Variants in FHIT observed in about 807,000 individuals in gnomAD.
The protein encoded by FHIT is fragile histidine triad diadenosine triphosphatase, also known as bis(5'-adenosyl)-triphosphatase.
A neutral mutation model predicts 17.9 loss-of-function variants in FHIT; 19 were observed. The ratio of observed to expected loss-of-function variants is 1.06; its 90% CI spans 0.74 to 1.56. The LOEUF is 1.56. FHIT is among the 40% of genes most tolerant of loss of function. FHIT has a pLI of 0.00. For missense variants in FHIT, 248 were observed against 189.2 expected, an observed-to-expected ratio of 1.31 and a Z score of -1.82; for synonymous variants, 81 against 69.7, an observed-to-expected ratio of 1.16 and a Z score of -0.81.
intron 7 of FHIT, among the ~76,000 whole-genome samples, chr3:59,938,036 T>C (rs1420744792): frequency 1.3e-5 from 2 of 152,172 alleles, no homozygotes; most frequent in Admixed American, 1.3e-4. Context: ...GCAAGGGTTC[T>C]ACCCAGATGT....
intron 5 of FHIT, among the ~76,000 whole-genome samples, chr3:60,355,558 A>G (rs1699617168): frequency 1.3e-5 from 2 of 152,228 alleles, no homozygotes; most frequent in Admixed American, 1.3e-4. Flanking sequence ...AATGTTCCTA[A>G]ATGAAATGAA....
In FHIT at chr3:60,705,876, T is replaced by A. The variant is rs566336716; in HGVS notation, c.-18+116043A>T. On this transcript the variant is annotated intron_variant, in intron 4 of 9. Coordinates refer to ENST00000492590, the MANE Select transcript of FHIT (RefSeq NM_002012.4). ...TTAATACTGTGACCTCTCTGTTGTA[T>A]AATAAAGGTTGAAAATCATCCTTCC... Among the ~76,000 whole-genome samples the A allele has an allele frequency of 2.7e-4, 41 of 152,338 alleles. 1 individual carries two copies. In the South Asian group the frequency reaches 7.1e-3, roughly 26 times the overall value.
At chr3:60,467,356 TC>T (rs2032855781) in intron 5 of FHIT, among the ~76,000 whole-genome samples, 1 of 152,012 alleles carries the variant, frequency 6.6e-6, no homozygotes, top group African/African-American at 2.4e-5. Flanking sequence ...TCTGCTCTGA[TC>T]TTTATTTTTC....
At chr3:59,902,203 G>C (rs1704360726) in intron 8 of FHIT, among the ~76,000 whole-genome samples, 1 of 152,066 alleles carries the variant, frequency 6.6e-6, no homozygotes, top group Admixed American at 6.5e-5. Context: ...TAAAAAATGT[G>C]AAATATCACT....
chr3:59,910,136 G>T (rs1228346422), intron 8 of FHIT, among the ~76,000 whole-genome samples: 1 of 152,144 alleles, frequency 6.6e-6, no homozygotes, highest in Non-Finnish European at 1.5e-5. Context: ...AGCACAGTTT[G>T]GTTTTATACA....
chr3:61,133,221 T>C (rs937551563), intron 2 of FHIT, among the ~76,000 whole-genome samples: 4 of 150,668 alleles, frequency 2.7e-5, no homozygotes, highest in African/African-American at 1.0e-4. Context: ...TATAATGCTA[T>C]ATTTCTGTAA....
chr3:59,874,364 C>T (rs1703057574), intron 8 of FHIT, among the ~76,000 whole-genome samples: 1 of 152,224 alleles, frequency 6.6e-6, no homozygotes, highest in Non-Finnish European at 1.5e-5. Flanking sequence ...ATAATTTCGA[C>T]TAGCATGGTA....
At chr3:61,166,610 T>A (rs992507863) in intron 2 of FHIT, among the ~76,000 whole-genome samples, 3 of 152,214 alleles carry the variant, frequency 2.0e-5, no homozygotes, top group African/African-American at 7.2e-5. Context: ...TACACACAGT[T>A]CAAGATTAAC....
At chr3:60,121,729 C>A (rs1286955540) in intron 5 of FHIT, among the ~76,000 whole-genome samples, 2 of 151,710 alleles carry the variant, frequency 1.3e-5, no homozygotes, top group South Asian at 2.1e-4. Flanking sequence ...CACACACACA[C>A]ACACACACAC....
At chr3:59,966,068 G>T (rs1174763661) in intron 7 of FHIT, among the ~76,000 whole-genome samples, 1 of 152,156 alleles carries the variant, frequency 6.6e-6, no homozygotes, top group Non-Finnish European at 1.5e-5. Context: ...GGTATCCAGA[G>T]AAAGATAATT....
chr3:60,063,213 T>C (rs1327379895), intron 5 of FHIT, among the ~76,000 whole-genome samples: 1 of 152,148 alleles, frequency 6.6e-6, no homozygotes, highest in African/African-American at 2.4e-5. Flanking sequence ...ACATTATAGT[T>C]AGATCTCCAT....
chr3:61,147,037 A>C (rs1332163342), intron 2 of FHIT, among the ~76,000 whole-genome samples: 2 of 151,992 alleles, frequency 1.3e-5, no homozygotes, highest in African/African-American at 4.8e-5. Flanking sequence ...GCTGCCTCTA[A>C]TAAAGATGCT....
chr3:60,758,364 G>C (rs966561621), intron 4 of FHIT, among the ~76,000 whole-genome samples: 1 of 152,174 alleles, frequency 6.6e-6, no homozygotes, highest in Non-Finnish European at 1.5e-5. Flanking sequence ...CCCAATGTAT[G>C]GATGCCATCT....
At chr3:60,145,923 C>A (rs1476534111) in intron 5 of FHIT, among the ~76,000 whole-genome samples, 2 of 152,064 alleles carry the variant, frequency 1.3e-5, no homozygotes, top group African/African-American at 4.8e-5. Flanking sequence ...TTGTTATAAA[C>A]CATCAAAAGT....
chr3:60,117,462 C>T (rs1439652984), intron 5 of FHIT, among the ~76,000 whole-genome samples: 1 of 131,446 alleles, frequency 7.6e-6, no homozygotes, highest in African/African-American at 2.9e-5. Flanking sequence ...AATATTAAAT[C>T]CAGACAGACC....
intron 4 of FHIT, among the ~76,000 whole-genome samples, chr3:60,757,402 T>G (rs1553718572): frequency 6.6e-6 from 1 of 152,118 alleles, no homozygotes; most frequent in African/African-American, 2.4e-5. Flanking sequence ...CCATTTATGG[T>G]TTGTGATAAA....
intron 4 of FHIT, among the ~76,000 whole-genome samples, chr3:60,806,932 T>C (rs1484292438): frequency 6.6e-6 from 1 of 152,176 alleles, no homozygotes; most frequent in Non-Finnish European, 1.5e-5. Context: ...CATTTTTAAT[T>C]TAAAGCTTCT....
intron 4 of FHIT, among the ~76,000 whole-genome samples, chr3:60,548,140 AGAG>A (rs2036430672): frequency 4.7e-4 from 1 of 2,146 alleles, no homozygotes; most frequent in Non-Finnish European, 1.0e-3. Context: ...CGAGAGAGAG[AGAG>A]CGAGAGAGAG....
At chr3:61,014,404 G>T (rs2031963656) in intron 3 of FHIT, among the ~76,000 whole-genome samples, 1 of 151,994 alleles carries the variant, frequency 6.6e-6, no homozygotes. Flanking sequence ...CATATTTACA[G>T]CAGCTATGAT....
Sources: gnomAD v4.1 joint callset for allele counts (sites outside exome capture counted in the v4.1 genomes callset) on GRCh38, gnomAD v4.1.1 for gene constraint, MANE v1.5 for transcripts, NCBI Gene and HGNC (gene_info 2026-07-23, HGNC 2026-07-21) for gene names.